The following ABI1 variants were observed in gnomAD, a reference collection of about 807,000 sequenced individuals.
The protein encoded by ABI1 is abl interactor 1, also known as Abelson interactor 1.
ABI1 carries 14 observed loss-of-function variants against 54.6 expected under a neutral mutation model. That is an observed-to-expected ratio of 0.26 (90% CI 0.17 to 0.40). The LOEUF is 0.40. Among genes scored for constraint, ABI1 ranks in the 10% least tolerant of loss-of-function variants. The probability of loss-of-function intolerance (pLI) is 1.00; values close to 1 mark genes in which losing one functional copy is unlikely to be tolerated. For missense variants in ABI1, 443 were observed against 598.3 expected (o/e 0.74, Z 2.71); for synonymous variants, 194 against 209.3 (o/e 0.93, Z 0.63).
rs551215562 is a variant in ABI1 at position 26,789,668 on chromosome 10, A to G, written c.286-12427T>C. Among the ~76,000 whole-genome samples the G allele has an allele frequency of 3.9e-5, 6 of 152,162 alleles. No homozygotes were observed. In the South Asian group the frequency reaches 1.2e-3, roughly 32 times the overall value. ...CAGGGGTACATATGTAAGATGTGTT[A>G]GTTTGTTGCATAAGTAAACATGTGT... On this transcript the variant is annotated intron_variant, in intron 2 of 10. Transcript: ENST00000376140.
At chr10:26,822,610 T>A (rs2148112) in intron 2 of ABI1, among the ~76,000 whole-genome samples, 72,496 of 150,452 alleles carry the variant, frequency 0.48, 18,959 homozygotes, top group African/African-American at 0.71. Context: ...AAAAAAAAAA[T>A]TAGTAAATAC....
At chr10:26,831,494 G>C (rs1347447832) in intron 1 of ABI1, among the ~76,000 whole-genome samples, 2 of 152,142 alleles carry the variant, frequency 1.3e-5, no homozygotes, top group African/African-American at 4.8e-5. Flanking sequence ...AGTGAGCCGA[G>C]ATAGTGCCAC....
intron 3 of ABI1, among the ~76,000 whole-genome samples, chr10:26,775,714 A>G (rs1049042752): frequency 6.6e-6 from 1 of 152,202 alleles, no homozygotes; most frequent in Non-Finnish European, 1.5e-5. Context: ...GTTAAACACA[A>G]TTACTCGTTG....
At chr10:26,855,579 T>C (rs2050733700) in intron 1 of ABI1, among the ~76,000 whole-genome samples, 1 of 152,228 alleles carries the variant, frequency 6.6e-6, no homozygotes, top group Non-Finnish European at 1.5e-5. Flanking sequence ...GAGACTGCAA[T>C]GGAGTACGTA....
intron 2 of ABI1, among the ~76,000 whole-genome samples, chr10:26,795,906 T>C (rs1844096342): frequency 6.6e-6 from 1 of 151,992 alleles, no homozygotes; most frequent in East Asian, 1.9e-4. Flanking sequence ...CTAAAATCCA[T>C]ACAGAGCCAC....
chr10:26,849,200 G>C (rs1369089474), intron 1 of ABI1, among the ~76,000 whole-genome samples: 1 of 151,938 alleles, frequency 6.6e-6, no homozygotes, highest in African/African-American at 2.4e-5. Context: ...CATTTGAATT[G>C]AAGGTACAAA....
intron 2 of ABI1, chr10:26,789,206 C>G (rs565053382): frequency 6.6e-6 from 1 of 151,996 alleles, no homozygotes; most frequent in Non-Finnish European, 1.5e-5. Context: ...GTAGGGGTAT[C>G]AAAAGTACTA....
chr10:26,827,359 C>T (rs111396914), intron 1 of ABI1, among the ~76,000 whole-genome samples: 34 of 151,884 alleles, frequency 2.2e-4, no homozygotes, highest in African/African-American at 8.2e-4. Flanking sequence ...GCAGCTGGCA[C>T]TATAGGTGCC....
At chr10:26,802,920 T>A (rs942189287) in intron 2 of ABI1, among the ~76,000 whole-genome samples, 8 of 152,092 alleles carry the variant, frequency 5.3e-5, no homozygotes, top group African/African-American at 1.9e-4. Flanking sequence ...TCCATACAAG[T>A]AAGCCTACCG....
At chr10:26,827,347 A>G (rs1464621615) in intron 1 of ABI1, among the ~76,000 whole-genome samples, 1 of 151,542 alleles carries the variant, frequency 6.6e-6, no homozygotes, top group African/African-American at 2.4e-5. Flanking sequence ...TCAGCCTCCC[A>G]AGCAGCTGGC....
intron 10 of ABI1, among the ~76,000 whole-genome samples, chr10:26,751,057 A>G (rs1837559382): frequency 6.7e-6 from 1 of 150,274 alleles, no homozygotes; most frequent in African/African-American, 2.5e-5. Context: ...TTAGTGGAAA[A>G]TATTGTAAAT....
chr10:26,854,558 T>C (rs2050665161), intron 1 of ABI1, among the ~76,000 whole-genome samples: 1 of 152,228 alleles, frequency 6.6e-6, no homozygotes, highest in East Asian at 1.9e-4. Context: ...AATAAACATG[T>C]AATGACATGG....
intron 1 of ABI1, among the ~76,000 whole-genome samples, chr10:26,857,505 T>C (rs899426018): frequency 2.7e-5 from 4 of 150,040 alleles, no homozygotes; most frequent in Non-Finnish European, 5.9e-5. Flanking sequence ...TAGCTGGGAG[T>C]GGTGGTGCGC....
intron 1 of ABI1, among the ~76,000 whole-genome samples, chr10:26,843,619 C>T (rs1475510038): frequency 6.6e-6 from 1 of 150,526 alleles, no homozygotes; most frequent in African/African-American, 2.4e-5. Flanking sequence ...TTCTTCCCAC[C>T]TTGCAGCACC....
At chr10:26,770,152 G>A in intron 5 of ABI1, 93 bp downstream of exon 5, 1 of 952,396 alleles carries the variant, frequency 1.0e-6, no homozygotes, top group East Asian at 2.4e-5. Flanking sequence ...AGAGAGGGTA[G>A]TGTGGCATGG....
chr10:26,785,573 T>A (rs780234516), intron 2 of ABI1, among the ~76,000 whole-genome samples: 1 of 152,046 alleles, frequency 6.6e-6, no homozygotes, highest in Non-Finnish European at 1.5e-5. Flanking sequence ...AATACAAAAA[T>A]TAGCCGGGCA....
At chr10:26,806,782 T>G (rs372175424) in intron 2 of ABI1, among the ~76,000 whole-genome samples, 1 of 152,066 alleles carries the variant, frequency 6.6e-6, no homozygotes, top group East Asian at 1.9e-4. Context: ...ATGAGTAATA[T>G]CAGTGCAAGA....
rs557458487 is a variant in ABI1, at chr10:26,759,861, C to T, written c.821-623G>A. Among the ~76,000 whole-genome samples the T allele has an allele frequency of 2.6e-5, 4 of 152,150 alleles. No individual in the cohort carries two copies. In the East Asian group the frequency reaches 7.7e-4, roughly 29 times the overall value. On this transcript the variant is annotated intron_variant, in intron 7 of 10. Coordinates refer to ENST00000376140, the MANE Select transcript of ABI1 (RefSeq NM_001012750.3). ...CATTTTTAAGAAATGTGCCATTTCT[C>T]GTTTCAAAGCACTTTCATGTAATGT...
intron 2 of ABI1, among the ~76,000 whole-genome samples, chr10:26,810,424 T>C (rs540096400): frequency 6.3e-4 from 96 of 152,308 alleles, no homozygotes; most frequent in Middle Eastern, 6.8e-3. Context: ...AAAATGTTAC[T>C]TACTATAAAT....
Sources: gnomAD v4.1 joint callset for allele counts (sites outside exome capture counted in the v4.1 genomes callset) on GRCh38, gnomAD v4.1.1 for gene constraint, MANE v1.5 for transcripts, NCBI Gene and HGNC (gene_info 2026-07-23, HGNC 2026-07-21) for gene names.